Variants in ROBO2 observed in about 807,000 individuals in gnomAD.
ROBO2 encodes the protein roundabout guidance receptor 2, also known as roundabout homolog 2.
In ROBO2, 53 loss-of-function variants were observed where a neutral mutation model predicts 160.8. The ratio of observed to expected loss-of-function variants is 0.33; its 90% confidence interval spans 0.26 to 0.41. The LOEUF (loss-of-function observed/expected upper bound fraction) is 0.41, where lower values mean the gene tolerates loss of function less well. Ranked by LOEUF, ROBO2 falls within the 10% of genes least tolerant of loss-of-function variation. The pLI, the probability that ROBO2 is intolerant of heterozygous loss-of-function variation, is 1.00. For synonymous variants in ROBO2, 664 were observed against 611.7 expected (o/e 1.09, Z -1.26); for missense variants, 1,577 against 1,722.4 (o/e 0.92, Z 1.49).
chr3:76,366,475 T>C (rs1449187581), intron 2 of ROBO2, among the ~76,000 whole-genome samples: 1 of 152,074 alleles, frequency 6.6e-6, no homozygotes, highest in East Asian at 1.9e-4. Context: ...AGCCTTTGCT[T>C]TTGGGCTTCA....
intron 2 of ROBO2, among the ~76,000 whole-genome samples, chr3:76,672,214 C>T (rs2092287340): frequency 6.6e-6 from 1 of 152,026 alleles, no homozygotes; most frequent in African/African-American, 2.4e-5. Flanking sequence ...TCAGAACCCA[C>T]ATTTACATAT....
At chr3:76,571,879 G>C (rs1283000511) in intron 2 of ROBO2, among the ~76,000 whole-genome samples, 1 of 152,088 alleles carries the variant, frequency 6.6e-6, no homozygotes, top group East Asian at 1.9e-4. Context: ...AATTACTAAA[G>C]GCAGACCATT....
intron 2 of ROBO2, among the ~76,000 whole-genome samples, chr3:76,264,324 G>A (rs1043307299): frequency 2.4e-5 from 3 of 122,670 alleles, no homozygotes; most frequent in African/African-American, 5.2e-5. Context: ...TTTGGGTATT[G>A]TCTCTAGTTT....
intron 2 of ROBO2, among the ~76,000 whole-genome samples, chr3:76,266,308 A>T (rs1193093470): frequency 6.6e-6 from 1 of 152,150 alleles, no homozygotes; most frequent in Non-Finnish European, 1.5e-5. Flanking sequence ...TTTAAAATCA[A>T]GGGTTGACAA....
chr3:77,615,990 C>G (rs182359179), intron 21 of ROBO2, among the ~76,000 whole-genome samples: 1 of 152,192 alleles, frequency 6.6e-6, no homozygotes, highest in Non-Finnish European at 1.5e-5. Flanking sequence ...GTACCAGAAA[C>G]TGTATGAGGT....
chr3:77,282,960 T>TAAA (rs71104670), intron 2 of ROBO2, among the ~76,000 whole-genome samples: 1 of 134,240 alleles, frequency 7.4e-6, no homozygotes, highest in African/African-American at 3.0e-5. Flanking sequence ...CTTCTGCTTT[T>TAAA]AAAAAAAAAA....
At chr3:76,097,615 T>G (rs1295577171) in intron 2 of ROBO2, among the ~76,000 whole-genome samples, 1 of 151,970 alleles carries the variant, frequency 6.6e-6, no homozygotes, top group Non-Finnish European at 1.5e-5. Flanking sequence ...GTGGTGGAAA[T>G]TAAAATAAAC....
chr3:76,649,783 T>G (rs1455759577), intron 2 of ROBO2, among the ~76,000 whole-genome samples: 1 of 152,114 alleles, frequency 6.6e-6, no homozygotes, highest in East Asian at 1.9e-4. Context: ...GTATCAGGGT[T>G]AGAAGTCACA....
At chr3:76,448,143 AT>A (rs1343505632) in intron 2 of ROBO2, among the ~76,000 whole-genome samples, 1 of 152,080 alleles carries the variant, frequency 6.6e-6, no homozygotes, top group African/African-American at 2.4e-5. Flanking sequence ...TATAAAAATA[AT>A]TTTCCAAGCT....
At chr3:76,875,617 A>G (rs1218866214) in intron 2 of ROBO2, among the ~76,000 whole-genome samples, 1 of 151,578 alleles carries the variant, frequency 6.6e-6, no homozygotes, top group Non-Finnish European at 1.5e-5. Context: ...TTTACTCTGA[A>G]CTCTATCATA....
chr3:76,468,054 C>G (rs1252549184), intron 2 of ROBO2, among the ~76,000 whole-genome samples: 6 of 151,940 alleles, frequency 3.9e-5, no homozygotes, highest in Non-Finnish European at 8.8e-5. Context: ...TACAAAAGCC[C>G]CTAATGTGCC....
At chr3:76,676,686 G>A (rs1335306499) in intron 2 of ROBO2, among the ~76,000 whole-genome samples, 1 of 151,718 alleles carries the variant, frequency 6.6e-6, no homozygotes, top group Non-Finnish European at 1.5e-5. Context: ...TGCCCCAAGT[G>A]TTCTGCTAGG....
At chr3:75,937,300 C>G (rs568250244) in intron 1 of ROBO2, among the ~76,000 whole-genome samples, 36 of 152,116 alleles carry the variant, frequency 2.4e-4, no homozygotes, top group African/African-American at 8.0e-4. Context: ...GATGAATGAG[C>G]TTTCATATTA....
chr3:76,487,836 C>G lies in ROBO2; in HGVS notation c.109+550234C>G, dbSNP rs557167157. 2.0e-5 allele frequency among the ~76,000 whole-genome samples: 3 copies of G among 152,266 alleles called. No homozygotes were observed. The South Asian group carries it at 6.2e-4, about 32-fold the overall frequency. ...CTGGCTGGCTGCTCCTAGAAGCTGC[C>G]CACAATTCCACATGACTATCTCCGT... is the stretch of plus-strand genomic sequence containing the variant. On this transcript the variant is annotated intron_variant, in intron 2 of 26. Transcript: ENST00000487694.
intron 2 of ROBO2, among the ~76,000 whole-genome samples, chr3:77,435,720 ATG>A (rs2153546746): frequency 6.6e-6 from 1 of 151,934 alleles, no homozygotes; most frequent in South Asian, 2.1e-4. Flanking sequence ...CTACAGATCA[ATG>A]TGTATGTGCA....
At chr3:77,452,206 T>C (rs2081190746) in intron 2 of ROBO2, among the ~76,000 whole-genome samples, 1 of 152,190 alleles carries the variant, frequency 6.6e-6, no homozygotes, top group Non-Finnish European at 1.5e-5. Context: ...AAATGATCCT[T>C]GAAAGTCCTT....
At chr3:77,224,409 C>T (rs1001609272) in intron 2 of ROBO2, among the ~76,000 whole-genome samples, 12 of 151,922 alleles carry the variant, frequency 7.9e-5, no homozygotes, top group African/African-American at 2.4e-4. Context: ...AAAATTATGC[C>T]AGTGATATTC....
intron 2 of ROBO2, among the ~76,000 whole-genome samples, chr3:77,177,218 C>T (rs988902056): frequency 2.6e-5 from 4 of 151,950 alleles, no homozygotes; most frequent in African/African-American, 7.2e-5. Context: ...AAGTCCAAAA[C>T]CTCTGAAGAT....
chr3:77,471,474 T>C (rs1336802970), intron 2 of ROBO2, among the ~76,000 whole-genome samples: 1 of 152,206 alleles, frequency 6.6e-6, no homozygotes, highest in East Asian at 1.9e-4. Flanking sequence ...GGGCCTTGGT[T>C]TCTTGCCAGC....
Sources: allele counts gnomAD v4.1 joint callset (sites outside exome capture counted in the v4.1 genomes callset), GRCh38; gene constraint gnomAD v4.1.1; transcripts MANE v1.5; gene names NCBI Gene and HGNC (gene_info 2026-07-23, HGNC 2026-07-21).